The following ANKRD6 variants were observed in gnomAD, a reference collection of about 807,000 sequenced individuals.
The protein encoded by ANKRD6 is ankyrin repeat domain 6, also known as ankyrin repeat domain-containing protein 6.
In ANKRD6, 56 loss-of-function variants were observed where a neutral mutation model predicts 82.3. The ratio of observed to expected loss-of-function variants is 0.68; its 90% CI spans 0.55 to 0.85. The LOEUF is 0.85. ANKRD6 is among the 40% of genes least tolerant of loss of function. The pLI is 0.00. For missense variants in ANKRD6, 852 were observed against 907.6 expected (o/e 0.94, Z 0.79); for synonymous variants, 347 against 352.1 (o/e 0.99, Z 0.16).
At chr6:89,626,040 T>C (rs1309928931) in intron 13 of ANKRD6, among the ~76,000 whole-genome samples, 3 of 152,176 alleles carry the variant, frequency 2.0e-5, no homozygotes, top group Non-Finnish European at 4.4e-5. Flanking sequence ...CTGCCCTTTT[T>C]TTAAAAAAGT....
chr6:89,443,114 T>G lies in ANKRD6; in HGVS notation c.-144+9739T>G, dbSNP rs531035020. Among the ~76,000 whole-genome samples, 70 of 152,328 alleles carry G rather than the reference T, an allele frequency of 4.6e-4. 2 individuals carry two copies. The South Asian group carries it at 0.013, about 29-fold the overall frequency. The stretch of plus-strand genomic sequence containing the variant: ...GTCAGATTGGAAATTGGTACCTTAT[T>G]GCTACAAAGAATCTGTTTTGTCAGT... On this transcript the variant is annotated intron_variant, in intron 1 of 15. Coordinates refer to ENST00000339746, the MANE Select transcript of ANKRD6 (RefSeq NM_001242809.2).
chr6:89,544,785 A>G (rs968272254), intron 1 of ANKRD6, among the ~76,000 whole-genome samples: 1 of 152,184 alleles, frequency 6.6e-6, no homozygotes, highest in Non-Finnish European at 1.5e-5. Context: ...GCATGAAGCT[A>G]TTCTCTGCAT....
intron 14 of ANKRD6, chr6:89,628,778 AAAC>A (rs1563168446): frequency 3.4e-5 from 9 of 264,444 alleles, no homozygotes; most frequent in Middle Eastern, 1.4e-3. Flanking sequence ...CTCAAAAAAC[AAAC>A]AAACAAACAA....
chr6:89,524,086 A>G (rs1200829817), intron 1 of ANKRD6, among the ~76,000 whole-genome samples: 5 of 152,192 alleles, frequency 3.3e-5, no homozygotes, highest in Non-Finnish European at 7.3e-5. Context: ...GGAAAGGGCC[A>G]TCAGCTCAGC....
At chr6:89,498,525 TA>T (rs147917205) in intron 1 of ANKRD6, among the ~76,000 whole-genome samples, 11,022 of 135,814 alleles carry the variant, frequency 0.081, 451 homozygotes, top group Non-Finnish European at 0.088. Flanking sequence ...TATATATATA[TA>T]TTTTTTTTTA....
rs184755021 is a variant in ANKRD6 at position 89,471,774 on chromosome 6, A to G, written c.-144+38399A>G. On this transcript the variant is annotated intron_variant, in intron 1 of 15. Coordinates refer to ENST00000339746, the MANE Select transcript of ANKRD6 (RefSeq NM_001242809.2). The stretch of plus-strand genomic sequence containing the variant: ...AAACACCAAGACCTTGATAAGAGCA[A>G]TTGTAGTGGGGTGGCCGAAGGAAAG... 4.0e-3 allele frequency among the ~76,000 whole-genome samples: 608 copies of G among 151,874 alleles called. 4 individuals carry two copies. Among genetic ancestry groups the G allele is most frequent in the African/African-American group, 0.014 (577 of 41,428 alleles).
intron 1 of ANKRD6, among the ~76,000 whole-genome samples, chr6:89,525,293 C>CA (rs537500108): frequency 0.6 from 78,015 of 130,038 alleles, 23,767 homozygotes; most frequent in South Asian, 0.8. Context: ...GATCCTATCT[C>CA]AAAAAAAAAA....
At chr6:89,502,158 C>A (rs1779338314) in intron 1 of ANKRD6, among the ~76,000 whole-genome samples, 1 of 152,158 alleles carries the variant, frequency 6.6e-6, no homozygotes, top group Non-Finnish European at 1.5e-5. Context: ...TTCATAGCAA[C>A]CATGGTAATT....
intron 8 of ANKRD6, among the ~76,000 whole-genome samples, chr6:89,617,312 C>G (rs1801832480): frequency 6.6e-6 from 1 of 152,136 alleles, no homozygotes; most frequent in Non-Finnish European, 1.5e-5. Flanking sequence ...ATCTAGCTCC[C>G]CTCTTTCTCC....
intron 1 of ANKRD6, among the ~76,000 whole-genome samples, chr6:89,479,202 G>A (rs1776472747): frequency 1.3e-5 from 2 of 152,160 alleles, no homozygotes; most frequent in African/African-American, 4.8e-5. Flanking sequence ...GCAAGGGTCA[G>A]GGAAGATTTC....
At chr6:89,550,869 T>C (rs946592545) in intron 1 of ANKRD6, among the ~76,000 whole-genome samples, 2 of 151,920 alleles carry the variant, frequency 1.3e-5, no homozygotes, top group East Asian at 1.9e-4. Flanking sequence ...GGCAGGAGAA[T>C]CGCTTGAACT....
At position 89,537,879 on chromosome 6, in the gene ANKRD6, CAAAAA is replaced by C. The variant is rs55864526; in HGVS notation, c.-143-28938_-143-28934del. 3.6e-5 allele frequency among the ~76,000 whole-genome samples: 4 copies of C among 110,812 alleles called. No individual in the cohort carries two copies. In the South Asian group the frequency reaches 8.2e-4, roughly 23 times the overall value. 72.7% of individuals were successfully genotyped at this position (110,812 alleles called of 152,430 possible). ...GTGCTGACAGAGTGAGACAATGTCT[CAAAAA>C]AAAAAAAAAAAAAAAAGAAAAGAAA... On this transcript the variant is annotated intron_variant, in intron 1 of 15. Coordinates refer to ENST00000339746, the MANE Select transcript of ANKRD6 (RefSeq NM_001242809.2).
At chr6:89,458,605 A>C (rs927403993) in intron 1 of ANKRD6, among the ~76,000 whole-genome samples, 1 of 152,230 alleles carries the variant, frequency 6.6e-6, no homozygotes, top group Non-Finnish European at 1.5e-5. Flanking sequence ...CGGGAGAAAG[A>C]TGAAGGCTGG....
rs576280222 is a variant in ANKRD6, at chr6:89,610,207, A to G, written c.418-2065A>G. Among the ~76,000 whole-genome samples, 15 of 152,314 alleles carry G rather than the reference A, an allele frequency of 9.8e-5. No homozygotes were observed. The South Asian group carries it at 3.1e-3, about 32-fold the overall frequency. On this transcript the variant is annotated intron_variant, in intron 5 of 15. Coordinates refer to ENST00000339746, the MANE Select transcript of ANKRD6 (RefSeq NM_001242809.2). The stretch of plus-strand genomic sequence containing the variant: ...TGTATACGGTTGTGTAACCCCCACC[A>G]TAAGATATAGAATGTTTCCATTGCC...
chr6:89,433,435 G>A lies in ANKRD6; in HGVS notation c.-144+60G>A, dbSNP rs1770202337. 2 of 152,198 alleles carry A rather than the reference G, an allele frequency of 1.3e-5. No homozygotes were observed. Among genetic ancestry groups the A allele is most frequent in the Non-Finnish European group, 2.9e-5 (2 of 68,062 alleles). The allele number at this position is 152,198 out of a possible 1,614,324, so 9.4% of individuals were successfully genotyped here. ...CGCTTACACCGGGGTGGGCGCCTCA[G>A]GTCGGGGAGGACGCTGTCGGGGGAA... On this transcript the variant is annotated intron_variant, in intron 1 of 15. Transcript: ENST00000339746. This position sits in a 1 kb window ranked among gnomAD's most constrained non-coding sequence, Gnocchi z 4.3.
At chr6:89,620,651 G>T (rs1299830998) in intron 9 of ANKRD6, among the ~76,000 whole-genome samples, 1 of 152,152 alleles carries the variant, frequency 6.6e-6, no homozygotes, top group African/African-American at 2.4e-5. Flanking sequence ...TGCCAATTAA[G>T]CCACCTGAAG....
chr6:89,624,004 A>T lies in ANKRD6; in HGVS notation c.1165A>T (p.Arg389Trp). The change falls in exon 12 of 16, where the codon AGG becomes TGG. Residue 389 changes from arginine (R) to tryptophan (W), a missense_variant. Coordinates refer to ENST00000339746, the MANE Select transcript of ANKRD6 (RefSeq NM_001242809.2). The part of the protein sequence containing the change: ...CSSPPPPHEF[R>W]AYQLYTLYRG... Reference sequence around the variant, plus strand: ...ATCCCCACCCCCACCCCATGAGTTCAGGGCGTATCAGCTCTACACATTGTA... The same window carrying T: ...ATCCCCACCCCCACCCCATGAGTTCTGGGCGTATCAGCTCTACACATTGTA... 1 of 1,610,314 alleles carries T rather than the reference A, an allele frequency of 6.2e-7. No homozygotes were observed. Among genetic ancestry groups the T allele is most frequent in the Non-Finnish European group, 8.5e-7 (1 of 1,178,836 alleles).
intron 2 of ANKRD6, among the ~76,000 whole-genome samples, chr6:89,584,073 C>G (rs988735081): frequency 9.9e-5 from 15 of 152,192 alleles, no homozygotes; most frequent in African/African-American, 3.4e-4. Context: ...TCCCTGAAAA[C>G]ATATATTTAG....
intron 1 of ANKRD6, among the ~76,000 whole-genome samples, chr6:89,445,619 G>T (rs973143508): frequency 6.6e-6 from 1 of 152,042 alleles, no homozygotes; most frequent in Non-Finnish European, 1.5e-5. Context: ...GCTAATTTTT[G>T]TATTTTAGTA....
Sources: gnomAD v4.1 joint callset for allele counts (sites outside exome capture counted in the v4.1 genomes callset) on GRCh38, gnomAD v4.1.1 for gene constraint, Gnocchi (gnomAD v3.1) non-coding constraint, MANE v1.5 for transcripts, NCBI Gene and HGNC (gene_info 2026-07-23, HGNC 2026-07-21) for gene names.